Variants in DCAF13 observed in about 807,000 individuals in gnomAD.
DCAF13 encodes DDB1 and CUL4 associated factor 13.
A neutral mutation model predicts 59.0 loss-of-function variants in DCAF13; 38 were observed. That is an observed-to-expected ratio of 0.64 (90% CI 0.50 to 0.84). The LOEUF is 0.84. DCAF13 is among the 40% of genes least tolerant of loss of function. The pLI is 0.00. For synonymous variants in DCAF13, 173 were observed against 175.0 expected (o/e 0.99, Z 0.09); for missense variants, 469 against 558.4 (o/e 0.84, Z 1.61).
At chr8:103,424,358 T>G (rs1487527861) in intron 3 of DCAF13, among the ~76,000 whole-genome samples, 2 of 152,220 alleles carry the variant, frequency 1.3e-5, no homozygotes, top group Admixed American at 1.3e-4. Context: ...GTGTGCTTTG[T>G]CAGAGATAAG....
chr8:103,435,525 C>A, intron 7 of DCAF13, 101 bp from the exon 8 acceptor site: 1 of 969,086 alleles, frequency 1.0e-6, no homozygotes, highest in South Asian at 1.9e-5. Context: ...TTTAGATGTG[C>A]ATTGTTTTGC....
intron 7 of DCAF13, among the ~76,000 whole-genome samples, chr8:103,434,503 T>C (rs2130492301): frequency 6.6e-6 from 1 of 152,266 alleles, no homozygotes; most frequent in South Asian, 2.1e-4. Context: ...CAGTTGTCAA[T>C]GTCTTACTAC....
At chr8:103,433,467 G>A (rs1377371660) in intron 7 of DCAF13, among the ~76,000 whole-genome samples, 1 of 151,852 alleles carries the variant, frequency 6.6e-6, no homozygotes, top group Non-Finnish European at 1.5e-5. Flanking sequence ...ATAGCGCTAT[G>A]CCTTTGATAG....
At chr8:103,430,981 G>T (rs1816856300) in intron 6 of DCAF13, among the ~76,000 whole-genome samples, 3 of 152,104 alleles carry the variant, frequency 2.0e-5, no homozygotes, top group Admixed American at 6.6e-5. Context: ...AGTTCTTAAA[G>T]GTATTGCATC....
rs578211342 is a variant in DCAF13 at position 103,434,575 on chromosome 8, G to C, written c.786-1051G>C. 9.9e-5 allele frequency among the ~76,000 whole-genome samples: 15 copies of C among 152,074 alleles called. No homozygotes were observed. In the South Asian group the frequency reaches 1.2e-3, roughly 13 times the overall value. ...GTCTGCCAGGTTTCTCCACTAAAGA[G>C]TTACTTTTTTTTCCTTTTGTAATTA... On this transcript the variant is annotated intron_variant, in intron 7 of 10. Coordinates refer to ENST00000612750, the MANE Select transcript of DCAF13 (RefSeq NM_015420.7).
intron 5 of DCAF13, chr8:103,428,183 T>C (rs920539120): frequency 6.6e-6 from 1 of 152,240 alleles, no homozygotes; most frequent in Non-Finnish European, 1.5e-5. Context: ...TGCAGTGCGA[T>C]GTGAGCTTGG....
At position 103,420,610 on chromosome 8, in the gene DCAF13, T is replaced by C; in HGVS notation, c.270+147T>C. 6.5e-6 allele frequency: 5 copies of C among 768,538 alleles called. No individual in the cohort carries two copies. In the Admixed American group the frequency reaches 1.2e-4, roughly 19 times the overall value. The allele number at this position is 768,538 out of a possible 1,614,324, so 47.6% of individuals were successfully genotyped here. ...ATTTCGTTAGGAATACTGTTTAGTA[T>C]TTTCTTCTTTAAACCTAAGAAATTA... is the stretch of plus-strand genomic sequence containing the variant. On this transcript the variant is annotated intron_variant, in intron 2 of 10. Coordinates refer to ENST00000612750, the MANE Select transcript of DCAF13 (RefSeq NM_015420.7).
At position 103,432,687 on chromosome 8, in the gene DCAF13, T is replaced by C. The variant is rs372714335; in HGVS notation, c.731T>C (p.Ile244Thr). The C allele has an allele frequency of 1.9e-5, 30 of 1,603,870 alleles. No homozygotes were observed. Among genetic ancestry groups the C allele is most frequent in the Non-Finnish European group, 2.5e-5 (29 of 1,172,142 alleles). Residue 244 changes from isoleucine (I) to threonine (T), a missense_variant, in exon 7 of 11, where the codon ATC becomes ACC. Ile to Thr is a moderately conservative substitution (Grantham distance 89). Around this residue, in one of 3 missense-constraint regions of DCAF13, gnomAD observed 355 missense variants for 399.1 expected, o/e 0.89. Coordinates refer to ENST00000612750, the MANE Select transcript of DCAF13 (RefSeq NM_015420.7). ...ATCTTAGATATGAGAACAAATACAA[T>C]CTGTTGGAACCCTATGGAAGCTTTC... ...KVILDMRTNT[I>T]CWNPMEAFIF...
chr8:103,431,668 C>G (rs759157574), intron 6 of DCAF13, among the ~76,000 whole-genome samples: 1 of 152,126 alleles, frequency 6.6e-6, no homozygotes, highest in African/African-American at 2.4e-5. Flanking sequence ...ATAACTATCT[C>G]GCAGCACTTC....
chr8:103,420,602 GT>G (rs1273943637), intron 2 of DCAF13, 139 bp downstream of exon 2: 2 of 833,972 alleles, frequency 2.4e-6, no homozygotes, highest in Non-Finnish European at 3.7e-6. Flanking sequence ...TAGGAATACT[GT>G]TTAGTATTTT....
intron 1 of DCAF13, among the ~76,000 whole-genome samples, chr8:103,418,703 A>G (rs1000220078): frequency 1.3e-5 from 2 of 150,806 alleles, no homozygotes; most frequent in East Asian, 3.9e-4. Flanking sequence ...TAGATATAAC[A>G]CCATTACCAG....
chr8:103,439,378 T>G (rs902156830), intron 8 of DCAF13: 1 of 147,916 alleles, frequency 6.8e-6, no homozygotes. Flanking sequence ...CTCACTTTAA[T>G]TAAGCTTTTT....
chr8:103,423,076 G>T (rs1457915260), intron 3 of DCAF13, among the ~76,000 whole-genome samples: 2 of 152,110 alleles, frequency 1.3e-5, no homozygotes, highest in African/African-American at 4.8e-5. Flanking sequence ...TCACTAGAGG[G>T]GTGCAGATAA....
At chr8:103,429,014 A>G (rs1205463578) in intron 5 of DCAF13, 1 of 152,154 alleles carries the variant, frequency 6.6e-6, no homozygotes, top group Non-Finnish European at 1.5e-5. Context: ...GTTGCTGTGA[A>G]CAAATGGAGT....
intron 10 of DCAF13, chr8:103,441,835 G>T (rs918031871): frequency 2.2e-5 from 10 of 453,954 alleles, no homozygotes; most frequent in Non-Finnish European, 3.0e-5. Flanking sequence ...GCACAATCTT[G>T]GTTCACTGCA....
chr8:103,440,361 T>C, intron 9 of DCAF13, 90 bp downstream of exon 9: 1 of 1,235,262 alleles, frequency 8.1e-7, no homozygotes, highest in Non-Finnish European at 1.1e-6. Context: ...TAGGTATTTT[T>C]GGGTATTTTG....
chr8:103,416,494 G>A (rs546450622), intron 1 of DCAF13, among the ~76,000 whole-genome samples: 1 of 152,058 alleles, frequency 6.6e-6, no homozygotes, highest in African/African-American at 2.4e-5. Flanking sequence ...ATCTCAGTGC[G>A]TTTCAGTCAT....
chr8:103,420,677 TAATC>T, intron 2 of DCAF13: 1 of 588,736 alleles, frequency 1.7e-6, no homozygotes. Flanking sequence ...GTAAATTAAA[TAATC>T]ATGTTTATAA....
intron 7 of DCAF13, among the ~76,000 whole-genome samples, chr8:103,434,394 T>A (rs1260157059): frequency 6.6e-6 from 1 of 152,060 alleles, no homozygotes; most frequent in African/African-American, 2.4e-5. Context: ...ATTCTTATCA[T>A]TTTTCCCATG....
Sources: gnomAD v4.1 joint callset for allele counts (sites outside exome capture counted in the v4.1 genomes callset) on GRCh38, gnomAD v4.1.1 for gene constraint, gnomAD v4.1.1 regional missense constraint, MANE v1.5 for transcripts, NCBI Gene and HGNC (gene_info 2026-07-23, HGNC 2026-07-21) for gene names.